The following MRPS35 variants were observed in gnomAD, a reference collection of about 807,000 sequenced individuals.
MRPS35 encodes mitochondrial ribosomal protein S35.
A neutral mutation model predicts 32.7 loss-of-function variants in MRPS35; 29 were observed. The ratio of observed to expected loss-of-function variants is 0.89; its 90% CI spans 0.66 to 1.21. MRPS35 has a LOEUF of 1.21. Among genes scored for constraint, MRPS35 ranks in the 50% most tolerant of loss-of-function variants. MRPS35 has a pLI of 0.00. For synonymous variants in MRPS35, 148 were observed against 139.3 expected, an observed-to-expected ratio of 1.06 and a Z score of -0.44; for missense variants, 373 against 383.8, an observed-to-expected ratio of 0.97 and a Z score of 0.23.
At chr12:27,716,547 G>A (rs939173703) in intron 3 of MRPS35, 89 bp downstream of exon 3, 20 of 1,304,844 alleles carry the variant, frequency 1.5e-5, no homozygotes, top group African/African-American at 1.0e-4. Flanking sequence ...ATGCTTCACC[G>A]TTCAGTGTAT....
chr12:27,748,470 T>A (rs542728246), intron 7 of MRPS35, among the ~76,000 whole-genome samples: 10 of 148,376 alleles, frequency 6.7e-5, no homozygotes, highest in East Asian at 3.9e-4. Flanking sequence ...TGTGTGTGTG[T>A]GATCCATATT....
chr12:27,734,257 T>G (rs1021055803), intron 5 of MRPS35, among the ~76,000 whole-genome samples: 1 of 151,782 alleles, frequency 6.6e-6, no homozygotes, highest in Non-Finnish European at 1.5e-5. Context: ...TTTTTTTTTT[T>G]TTGAGGCAGA....
intron 7 of MRPS35, among the ~76,000 whole-genome samples, chr12:27,749,153 T>C (rs189819908): frequency 8.1e-4 from 123 of 152,192 alleles, no homozygotes; most frequent in Middle Eastern, 3.4e-3. Context: ...TTTTTTCTTC[T>C]ACTTTTTAGT....
intron 7 of MRPS35, among the ~76,000 whole-genome samples, chr12:27,740,817 CAA>C (rs1314971242): frequency 6.6e-6 from 1 of 152,164 alleles, no homozygotes; most frequent in Non-Finnish European, 1.5e-5. Flanking sequence ...AATACTGCCT[CAA>C]AGAATAATTA....
At chr12:27,745,309 C>A (rs2061978515) in intron 7 of MRPS35, among the ~76,000 whole-genome samples, 2 of 152,122 alleles carry the variant, frequency 1.3e-5, no homozygotes, top group African/African-American at 4.8e-5. Context: ...AGGTACTTTG[C>A]CCAAGGTTAC....
chr12:27,746,776 T>C (rs1489388753), intron 7 of MRPS35, among the ~76,000 whole-genome samples: 1 of 152,200 alleles, frequency 6.6e-6, no homozygotes. Flanking sequence ...AGTTACAGTT[T>C]TCTTCCCTCT....
intron 4 of MRPS35, among the ~76,000 whole-genome samples, chr12:27,721,335 G>T (rs919411422): frequency 6.6e-6 from 1 of 152,152 alleles, no homozygotes; most frequent in Non-Finnish European, 1.5e-5. Context: ...ATTTGTGCCT[G>T]GAATTAGATT....
chr12:27,742,727 G>A (rs1338606406), intron 7 of MRPS35, among the ~76,000 whole-genome samples: 2 of 152,208 alleles, frequency 1.3e-5, no homozygotes, highest in Non-Finnish European at 2.9e-5. Flanking sequence ...ATGTAGATTT[G>A]TAACCAGAGG....
intron 6 of MRPS35, among the ~76,000 whole-genome samples, chr12:27,737,040 T>A (rs1301576310): frequency 2.0e-5 from 3 of 152,222 alleles, no homozygotes; most frequent in Non-Finnish European, 4.4e-5. Context: ...CATGCCTGGC[T>A]AATTTTTTAA....
intron 7 of MRPS35, among the ~76,000 whole-genome samples, chr12:27,743,666 A>G (rs368131151): frequency 6.6e-6 from 1 of 152,272 alleles, no homozygotes. Flanking sequence ...AAGGAGGTGT[A>G]ATAATAAATA....
intron 1 of MRPS35, among the ~76,000 whole-genome samples, chr12:27,711,574 A>G (rs1342030399): frequency 1.3e-5 from 2 of 152,062 alleles, no homozygotes; most frequent in African/African-American, 4.8e-5. Context: ...CGTGAGTCTA[A>G]TCAATAGGCG....
intron 7 of MRPS35, among the ~76,000 whole-genome samples, chr12:27,754,904 G>A (rs1477727293): frequency 1.3e-5 from 2 of 152,056 alleles, no homozygotes; most frequent in African/African-American, 4.8e-5. Flanking sequence ...TTGTAATTAT[G>A]TGGATAGAGT....
chr12:27,741,377 ATT>A (rs2061964298), intron 7 of MRPS35, among the ~76,000 whole-genome samples: 1 of 152,016 alleles, frequency 6.6e-6, no homozygotes, highest in Admixed American at 6.6e-5. Flanking sequence ...TTTCCTAAGG[ATT>A]TTTGGATGGA....
rs371915509 is a variant in MRPS35 at position 27,753,475 on chromosome 12, G to C, written c.703-1706G>C. On this transcript the variant is annotated intron_variant, in intron 7 of 7. Coordinates refer to ENST00000081029, the MANE Select transcript of MRPS35 (RefSeq NM_021821.4). ...ACTTGTAGTGGGGATAGGGGTGGGA[G>C]GGTGGCACGGGTGGAAACCTTACCT... 8.5e-5 allele frequency among the ~76,000 whole-genome samples: 13 copies of C among 152,154 alleles called. 1 individual carries two copies. Among genetic ancestry groups the C allele is most frequent in the African/African-American group, 3.1e-4 (13 of 41,514 alleles).
At chr12:27,729,167 C>T (rs1403870247) in intron 5 of MRPS35, among the ~76,000 whole-genome samples, 1 of 152,056 alleles carries the variant, frequency 6.6e-6, no homozygotes, top group Non-Finnish European at 1.5e-5. Context: ...TTCCTGTGTC[C>T]TTTTGTTACA....
intron 5 of MRPS35, among the ~76,000 whole-genome samples, chr12:27,727,374 T>C (rs2061904699): frequency 6.6e-6 from 1 of 152,154 alleles, no homozygotes; most frequent in African/African-American, 2.4e-5. Flanking sequence ...ATACTGTATT[T>C]TCACTGCACT....
intron 3 of MRPS35, among the ~76,000 whole-genome samples, chr12:27,716,922 C>T (rs545458210): frequency 1.3e-5 from 2 of 151,912 alleles, no homozygotes; most frequent in African/African-American, 2.4e-5. Context: ...ACCCAGGAGG[C>T]GGAGGTTGCA....
chr12:27,736,922 G>A (rs2061945086), intron 6 of MRPS35, among the ~76,000 whole-genome samples: 3 of 152,018 alleles, frequency 2.0e-5, no homozygotes, highest in Admixed American at 6.6e-5. Flanking sequence ...TGTCACCCAG[G>A]CTGGAGGTCA....
rs144470136 is a variant in MRPS35, at chr12:27,717,823, CATTT to C, written c.321+1370_321+1373del. Among the ~76,000 whole-genome samples the C allele has an allele frequency of 2.3e-3, 353 of 152,118 alleles. 1 individual carries two copies. Among genetic ancestry groups the C allele is most frequent in the African/African-American group, 7.8e-3 (324 of 41,478 alleles). On this transcript the variant is annotated intron_variant, in intron 3 of 7. Coordinates refer to ENST00000081029, the MANE Select transcript of MRPS35 (RefSeq NM_021821.4). ...AAAAATCCAAACATTTAATGCATGC[CATTT>C]ATTTGTAGTAATGGTGTCATTGAAT...
Sources: gnomAD v4.1 joint callset for allele counts (sites outside exome capture counted in the v4.1 genomes callset) on GRCh38, gnomAD v4.1.1 for gene constraint, MANE v1.5 for transcripts, NCBI Gene and HGNC (gene_info 2026-07-23, HGNC 2026-07-21) for gene names.